Variants in JARID2 observed in about 807,000 individuals in gnomAD.
JARID2 encodes the protein jumonji and AT-rich interaction domain containing 2.
In JARID2, 21 loss-of-function variants were observed where a neutral mutation model predicts 125.6. That is an observed-to-expected ratio of 0.17 (90% CI 0.12 to 0.24). JARID2 has a LOEUF of 0.24. Among genes scored for constraint, JARID2 ranks in the 10% least tolerant of loss-of-function variants. The pLI is 1.00. For synonymous variants in JARID2, 736 were observed against 661.6 expected, an observed-to-expected ratio of 1.11 and a Z score of -1.73; for missense variants, 1,303 against 1,639.6, an observed-to-expected ratio of 0.79 and a Z score of 3.55.
chr6:15,308,691 A>C (rs979817962), intron 1 of JARID2, among the ~76,000 whole-genome samples: 2 of 152,184 alleles, frequency 1.3e-5, no homozygotes, highest in African/African-American at 2.4e-5. Context: ...TGAGAGCCAA[A>C]AGATGTGAGG....
At chr6:15,512,093 A>C (rs997272839) in intron 13 of JARID2, 115 bp from the exon 14 acceptor site, 33 of 841,998 alleles carry the variant, frequency 3.9e-5, no homozygotes, top group Non-Finnish European at 6.1e-5. Flanking sequence ...TTTTCCACAT[A>C]AAACAATCTT....
chr6:15,256,024 CT>C (rs1759650523), intron 1 of JARID2, among the ~76,000 whole-genome samples: 1 of 152,150 alleles, frequency 6.6e-6, no homozygotes, highest in Non-Finnish European at 1.5e-5. Context: ...ATTTCCTCAT[CT>C]GGACAACTTA....
chr6:15,370,970 G>A (rs1295292847), intron 1 of JARID2, among the ~76,000 whole-genome samples: 1 of 152,168 alleles, frequency 6.6e-6, no homozygotes, highest in Non-Finnish European at 1.5e-5. Flanking sequence ...CAGCATTGAG[G>A]GAGCAGGTGA....
At chr6:15,453,180 T>C (rs1279831869) in intron 4 of JARID2, among the ~76,000 whole-genome samples, 1 of 152,214 alleles carries the variant, frequency 6.6e-6, no homozygotes, top group East Asian at 1.9e-4. Flanking sequence ...CAAACCTCTG[T>C]TTCACATTTG....
chr6:15,396,382 T>C (rs1019030729), intron 2 of JARID2, among the ~76,000 whole-genome samples: 5 of 152,238 alleles, frequency 3.3e-5, no homozygotes, highest in African/African-American at 4.8e-5. Context: ...AGAAGTCTTA[T>C]GATTTTTCTT....
intron 1 of JARID2, among the ~76,000 whole-genome samples, chr6:15,326,231 G>A (rs1423533770): frequency 6.6e-6 from 1 of 151,972 alleles, no homozygotes. Flanking sequence ...TTTTTGGGGG[G>A]TGGAAGGTGG....
chr6:15,306,496 G>T (rs1022720878), intron 1 of JARID2, among the ~76,000 whole-genome samples: 2 of 151,738 alleles, frequency 1.3e-5, no homozygotes, highest in Admixed American at 1.3e-4. Context: ...CACACGCCCA[G>T]CTAATTTTTG....
intron 1 of JARID2, among the ~76,000 whole-genome samples, chr6:15,339,148 A>G (rs1762981738): frequency 6.6e-6 from 1 of 152,144 alleles, no homozygotes; most frequent in South Asian, 2.1e-4. Flanking sequence ...AGACACTTTC[A>G]GGTGTGCATA....
At chr6:15,513,508 T>A in intron 16 of JARID2, 86 bp downstream of exon 16, 1 of 1,319,762 alleles carries the variant, frequency 7.6e-7, no homozygotes, top group Non-Finnish European at 1.0e-6. Context: ...GGGAGGGCGC[T>A]CTCTGCCCAG....
intron 3 of JARID2, among the ~76,000 whole-genome samples, chr6:15,432,110 A>AC (rs1252558009): frequency 2.0e-5 from 3 of 152,060 alleles, no homozygotes; most frequent in East Asian, 3.9e-4. Context: ...TGAAAAAAAA[A>AC]AAACACAGAT....
chr6:15,520,461 A>T lies in JARID2; in HGVS notation c.*210A>T, dbSNP rs1430980295. 2 of 458,242 alleles carry T rather than the reference A, an allele frequency of 4.4e-6. No individual in the cohort carries two copies. The highest frequency in any genetic ancestry group is 7.6e-6 in the Non-Finnish European group (2 of 261,880). The allele number at this position is 458,242 out of a possible 1,614,324, so 28.4% of individuals were successfully genotyped here. A position where few individuals can be genotyped will look rare whatever the true frequency, so the allele number is the denominator to read the frequency against. On this transcript the variant is annotated 3_prime_UTR_variant, in exon 18 of 18. Coordinates refer to ENST00000341776, the MANE Select transcript of JARID2 (RefSeq NM_004973.4). ...CTAGATACTGCAGTCAGATTTTGGAAACTGCCGTATAGTCACTGTTTTAAA... is the reference window on the plus strand; with the variant it reads ...CTAGATACTGCAGTCAGATTTTGGATACTGCCGTATAGTCACTGTTTTAAA...
intron 3 of JARID2, among the ~76,000 whole-genome samples, chr6:15,441,533 T>C (rs1256057486): frequency 6.6e-6 from 1 of 152,200 alleles, no homozygotes; most frequent in African/African-American, 2.4e-5. Flanking sequence ...TGTTACCCTT[T>C]AAATGAAGAA....
chr6:15,500,557 C>T (rs1197062634), intron 7 of JARID2, among the ~76,000 whole-genome samples: 1 of 152,216 alleles, frequency 6.6e-6, no homozygotes, highest in Non-Finnish European at 1.5e-5. Flanking sequence ...CATGTGACAA[C>T]ACATGTACCA....
chr6:15,497,887 C>T (rs1770542317), intron 7 of JARID2, among the ~76,000 whole-genome samples: 1 of 152,174 alleles, frequency 6.6e-6, no homozygotes, highest in African/African-American at 2.4e-5. Context: ...AGACCTCCCT[C>T]CTTGGCTTGT....
At chr6:15,403,611 C>A (rs1352202126) in intron 2 of JARID2, among the ~76,000 whole-genome samples, 1 of 152,156 alleles carries the variant, frequency 6.6e-6, no homozygotes, top group Non-Finnish European at 1.5e-5. Flanking sequence ...CAGACATTTT[C>A]CTTATCTACC....
In JARID2 at chr6:15,367,494, C is replaced by A. The variant is rs981104554; in HGVS notation, c.46-6623C>A. The stretch of plus-strand genomic sequence containing the variant: ...CTGCAAACCAATAATTTTAATTTTG[C>A]TTTTACCTAGGAGTCAGTGTGAGTT... On this transcript the variant is annotated intron_variant, in intron 1 of 17. Transcript: ENST00000341776. 5.3e-5 allele frequency among the ~76,000 whole-genome samples: 8 copies of A among 152,160 alleles called. No homozygotes were observed. In the East Asian group the frequency reaches 1.2e-3, roughly 22 times the overall value.
intron 3 of JARID2, among the ~76,000 whole-genome samples, chr6:15,425,567 A>G (rs76971120): frequency 0.03 from 4,568 of 152,128 alleles, 230 homozygotes; most frequent in African/African-American, 0.1. Flanking sequence ...TACCTTTATC[A>G]TGGGAGTGGA....
chr6:15,368,382 C>T (rs561530997), intron 1 of JARID2, among the ~76,000 whole-genome samples: 3 of 152,236 alleles, frequency 2.0e-5, no homozygotes, highest in South Asian at 4.1e-4. Context: ...TTACTTACTT[C>T]CTCCCCATCC....
At chr6:15,377,786 C>A (rs1408268003) in intron 2 of JARID2, among the ~76,000 whole-genome samples, 1 of 152,016 alleles carries the variant, frequency 6.6e-6, no homozygotes, top group Non-Finnish European at 1.5e-5. Context: ...CCTGCTTCGG[C>A]CTCCCAAAGT....
Sources: gnomAD v4.1 joint callset for allele counts (sites outside exome capture counted in the v4.1 genomes callset) on GRCh38, gnomAD v4.1.1 for gene constraint, MANE v1.5 for transcripts, NCBI Gene and HGNC (gene_info 2026-07-23, HGNC 2026-07-21) for gene names.